The following WFDC10B variants were observed in gnomAD, a reference collection of about 807,000 sequenced individuals.
The protein encoded by WFDC10B is WAP four-disulfide core domain 10B.
Under a neutral mutation model 2.7 loss-of-function variants are expected in WFDC10B, and 1 was observed. The observed-to-expected ratio is 0.38, with a 90% CI of 0.13 to 1.79. The LOEUF is 1.79. WFDC10B is among the 40% of genes most tolerant of loss of function. The pLI is 0.33. For synonymous variants in WFDC10B, 26 were observed against 32.2 expected, an observed-to-expected ratio of 0.81 and a Z score of 0.65; for missense variants, 71 against 87.8, an observed-to-expected ratio of 0.81 and a Z score of 0.76.
rs1555805538 is a variant in WFDC10B at position 45,687,860 on chromosome 20, T to TTTTTTATTATTATTA, written c.-64-1805_-64-1804insTAATAATAATAAAAA. ...TTTAATGGGATTGCTTGTCTTTTCT[T>TTTTTTATTATTATTA]TTATTATTATTATTATTATTATTAT... is the stretch of plus-strand genomic sequence containing the variant. On this transcript the variant is annotated intron_variant, in intron 2 of 3. Transcript: ENST00000330523. Among the ~76,000 whole-genome samples, 732 of 145,340 alleles carry TTTTTTATTATTATTA rather than the reference T, an allele frequency of 5.0e-3. 5 individuals are homozygous for TTTTTTATTATTATTA. Among genetic ancestry groups the TTTTTTATTATTATTA allele is most frequent in the African/African-American group, 0.016 (615 of 39,224 alleles).
chr20:45,691,703 C>A (rs1199764551), intron 2 of WFDC10B, among the ~76,000 whole-genome samples: 1 of 152,138 alleles, frequency 6.6e-6, no homozygotes, highest in East Asian at 1.9e-4. Context: ...GATCTTCCTC[C>A]ACCCTTTTAT....
chr20:45,692,115 T>C (rs6032436), intron 2 of WFDC10B, among the ~76,000 whole-genome samples: 7,168 of 152,270 alleles, frequency 0.047, 335 homozygotes, highest in East Asian at 0.22. Context: ...TGGCTGGATA[T>C]GAAATTCTGG....
In WFDC10B at chr20:45,701,901, T is replaced by C. The variant is rs987933719; in HGVS notation, c.-65+2596A>G. ...ATGAAAGAGATAGCAAGGTCAAGATTAGGGGAATAAAGGAGGATATGAAAA... is the reference window on the plus strand; with the variant it reads ...ATGAAAGAGATAGCAAGGTCAAGATCAGGGGAATAAAGGAGGATATGAAAA... On this transcript the variant is annotated intron_variant, in intron 2 of 3. Coordinates refer to ENST00000330523, the MANE Select transcript of WFDC10B (RefSeq NM_172006.2). 18 of 521,214 alleles carry C rather than the reference T, an allele frequency of 3.5e-5. No individual in the cohort carries two copies. In the African/African-American group the frequency reaches 3.5e-4, roughly 10 times the overall value. 32.3% of individuals were successfully genotyped at this position (521,214 alleles called of 1,614,324 possible).
intron 2 of WFDC10B, among the ~76,000 whole-genome samples, chr20:45,703,862 C>A (rs1172115366): frequency 6.6e-6 from 1 of 152,180 alleles, no homozygotes; most frequent in African/African-American, 2.4e-5. Context: ...GAAATCCCCA[C>A]CCTTCTTACC....
At chr20:45,695,378 G>A (rs1983947104) in intron 2 of WFDC10B, among the ~76,000 whole-genome samples, 1 of 152,126 alleles carries the variant, frequency 6.6e-6, no homozygotes, top group Non-Finnish European at 1.5e-5. Context: ...AATAGAACAT[G>A]TAGACAGAAA....
At chr20:45,703,659 T>A (rs432448) in intron 2 of WFDC10B, among the ~76,000 whole-genome samples, 5 of 151,790 alleles carry the variant, frequency 3.3e-5, no homozygotes, top group Admixed American at 6.6e-5. Context: ...GGTTGTGGAC[T>A]TAGGGAAGAC....
chr20:45,690,626 G>T (rs191888864), intron 2 of WFDC10B, among the ~76,000 whole-genome samples: 3,176 of 152,040 alleles, frequency 0.021, 51 homozygotes, highest in Non-Finnish European at 0.034. Flanking sequence ...GTTTATTTTC[G>T]TAGAGGTGTT....
In WFDC10B at chr20:45,684,844, T is replaced by C. The variant is rs145459231; in HGVS notation, c.208A>G (p.Met70Val). 5.5e-4 allele frequency: 895 copies of C among 1,613,932 alleles called. 14 individuals carry two copies. In the East Asian group the frequency reaches 0.013, roughly 23 times the overall value. The change falls in exon 4 of 4, where the codon ATG becomes GTG. Residue 70 changes from methionine to valine, a missense_variant. Physicochemically the swap from Met to Val is conservative, Grantham distance 21. Transcript: ENST00000330523. ...CCSAFCGNIC[M>V]SIL Reference sequence around the variant, plus strand: ...CACTCTCCCACTCATAGGATGCTCATACAAATGTTCCCACAGAAGGCTGAA... The same window carrying C: ...CACTCTCCCACTCATAGGATGCTCACACAAATGTTCCCACAGAAGGCTGAA...
Position 45,688,680 on chromosome 20 carries a change from G to T in WFDC10B, c.-64-2624C>A, listed in dbSNP as rs898492673. Among the ~76,000 whole-genome samples the T allele has an allele frequency of 1.3e-4, 18 of 136,196 alleles. No homozygotes were observed. The East Asian group carries it at 1.4e-3, about 10-fold the overall frequency. 89.3% of individuals were successfully genotyped at this position (136,196 alleles called of 152,430 possible). A position where few individuals can be genotyped will look rare whatever the true frequency, so the allele number is the denominator to read the frequency against. On this transcript the variant is annotated intron_variant, in intron 2 of 3. Transcript: ENST00000330523. ...TGTTCATGTCCTTCGCCCACTTTTT[G>T]ATGGGGTTGTTTGTTTTTTCCTTGT... is the stretch of plus-strand genomic sequence containing the variant.
chr20:45,700,150 A>C (rs112399554), intron 2 of WFDC10B, among the ~76,000 whole-genome samples: 98 of 152,342 alleles, frequency 6.4e-4, no homozygotes, highest in African/African-American at 2.3e-3. Flanking sequence ...ACTAAGGTGT[A>C]TGTCAAATGC....
At position 45,704,810 on chromosome 20, in the gene WFDC10B, C is replaced by T. The variant is rs1984324546; in HGVS notation, c.-130+108G>A. On this transcript the variant is annotated intron_variant, in intron 1 of 3. Coordinates refer to ENST00000330523, the MANE Select transcript of WFDC10B (RefSeq NM_172006.2). Reference sequence around the variant, plus strand: ...CCCTCCCAATCACCACATCCCATCACCATATCCGTGAATTTCTGACTCTGC... The same window carrying T: ...CCCTCCCAATCACCACATCCCATCATCATATCCGTGAATTTCTGACTCTGC... The T allele has an allele frequency of 3.0e-6, 4 of 1,337,946 alleles. No homozygotes were observed. The South Asian group carries it at 3.6e-5, about 12-fold the overall frequency. 82.9% of individuals were successfully genotyped at this position (1,337,946 alleles called of 1,614,324 possible). A position where few individuals can be genotyped will look rare whatever the true frequency, so the allele number is the denominator to read the frequency against.
At chr20:45,696,280 C>G (rs1600960939) in intron 2 of WFDC10B, among the ~76,000 whole-genome samples, 1 of 132,756 alleles carries the variant, frequency 7.5e-6, no homozygotes, top group Admixed American at 8.3e-5. Flanking sequence ...AGCAAGACTC[C>G]GTCTCAAAAA....
chr20:45,702,729 T>G (rs1271561800), intron 2 of WFDC10B, among the ~76,000 whole-genome samples: 1 of 152,154 alleles, frequency 6.6e-6, no homozygotes, highest in Admixed American at 6.5e-5. Flanking sequence ...TACTGTACAA[T>G]TACCGGTAAT....
intron 2 of WFDC10B, among the ~76,000 whole-genome samples, chr20:45,697,379 A>ATCATTT (rs1984008391): frequency 8.8e-6 from 1 of 114,010 alleles, no homozygotes; most frequent in Non-Finnish European, 1.7e-5. Context: ...ACATCCCATC[A>ATCATTT]TTTTTTTTTT....
intron 2 of WFDC10B, among the ~76,000 whole-genome samples, chr20:45,695,067 A>T (rs959378824): frequency 2.6e-5 from 4 of 152,182 alleles, no homozygotes; most frequent in Non-Finnish European, 4.4e-5. Context: ...ATAAACCTTA[A>T]GTAAAGTGTT....
At chr20:45,702,044 C>T in intron 2 of WFDC10B, 1 of 1,390,048 alleles carries the variant, frequency 7.2e-7, no homozygotes, top group Admixed American at 2.0e-5. Context: ...TGCCCTCTTT[C>T]CTTCTCTTCT....
At chr20:45,700,782 A>G (rs1984129092) in intron 2 of WFDC10B, among the ~76,000 whole-genome samples, 1 of 152,202 alleles carries the variant, frequency 6.6e-6, no homozygotes. Flanking sequence ...AATACACACT[A>G]TCACCACTTA....
At chr20:45,704,781 C>G in intron 1 of WFDC10B, 137 bp downstream of exon 1, 1 of 1,284,222 alleles carries the variant, frequency 7.8e-7, no homozygotes, top group Non-Finnish European at 1.1e-6. Context: ...GAAAAGCCCT[C>G]CTCCCCTCCC....
At position 45,684,764 on chromosome 20, in the gene WFDC10B, A is replaced by G; in HGVS notation, c.*66T>C. 1 of 1,581,778 alleles carries G rather than the reference A, an allele frequency of 6.3e-7. No individual in the cohort carries two copies. The highest frequency in any genetic ancestry group is 2.3e-5 in the East Asian group (1 of 44,142). On this transcript the variant is annotated 3_prime_UTR_variant, in exon 4 of 4. Coordinates refer to ENST00000330523, the MANE Select transcript of WFDC10B (RefSeq NM_172006.2). ...ATGATTTGATGTCCTTGTGCTTCGG[A>G]TGTGGGCACAGTCTCGGATGGAAGG... is the stretch of plus-strand genomic sequence containing the variant.
Sources: allele counts gnomAD v4.1 joint callset (sites outside exome capture counted in the v4.1 genomes callset), GRCh38; gene constraint gnomAD v4.1.1; transcripts MANE v1.5; gene names NCBI Gene and HGNC (gene_info 2026-07-23, HGNC 2026-07-21).